KIRREL3: variants seen among roughly 807,000 people sequenced by gnomAD.
KIRREL3 encodes kin of IRRE-like protein 3.
A neutral mutation model predicts 89.7 loss-of-function variants in KIRREL3; 36 were observed. The ratio of observed to expected loss-of-function variants is 0.40; its 90% CI spans 0.31 to 0.53. KIRREL3 has a LOEUF of 0.53. KIRREL3 is among the 20% of genes least tolerant of loss of function. KIRREL3 has a pLI of 0.49. For synonymous variants in KIRREL3, 445 were observed against 441.4 expected (o/e 1.01, Z -0.10); for missense variants, 864 against 1,056.6 (o/e 0.82, Z 2.53).
chr11:126,762,457 C>T (rs929239195), intron 1 of KIRREL3, among the ~76,000 whole-genome samples: 2 of 152,186 alleles, frequency 1.3e-5, no homozygotes, highest in African/African-American at 4.8e-5. Flanking sequence ...AATAAGACTG[C>T]TCAGAAAAGG....
chr11:126,465,422 T>A (rs960597416), intron 5 of KIRREL3, among the ~76,000 whole-genome samples: 1 of 152,030 alleles, frequency 6.6e-6, no homozygotes, highest in African/African-American at 2.4e-5. Flanking sequence ...GCCCCGGGGG[T>A]GCTGGACGGT....
chr11:126,801,876 G>A (rs757632091), intron 1 of KIRREL3, among the ~76,000 whole-genome samples: 4 of 152,074 alleles, frequency 2.6e-5, no homozygotes, highest in Non-Finnish European at 5.9e-5. Context: ...TCAAGGCTGC[G>A]GTGAACTCTA....
At chr11:126,650,631 T>C (rs1032539053) in intron 1 of KIRREL3, among the ~76,000 whole-genome samples, 2 of 152,196 alleles carry the variant, frequency 1.3e-5, no homozygotes, top group African/African-American at 4.8e-5. Flanking sequence ...GCCTGGACCT[T>C]ATTGTCCATA....
chr11:126,506,329 T>A (rs2134382511), intron 4 of KIRREL3, among the ~76,000 whole-genome samples: 1 of 152,300 alleles, frequency 6.6e-6, no homozygotes, highest in Middle Eastern at 3.4e-3. Flanking sequence ...AACTACAAAC[T>A]GAGAGAAAAT....
At position 126,824,417 on chromosome 11, in the gene KIRREL3, G is replaced by A. The variant is rs769689848; in HGVS notation, c.55+176038C>T. 5.3e-5 allele frequency among the ~76,000 whole-genome samples: 8 copies of A among 152,194 alleles called. No homozygotes were observed. The South Asian group carries it at 6.2e-4, about 12-fold the overall frequency. ...TTTACCTAAGATTTGTTATAAGGAC[G>A]CTCAAGTTCAGGGAGGGTAAACAAC... is the stretch of plus-strand genomic sequence containing the variant. On this transcript the variant is annotated intron_variant, in intron 1 of 16. Coordinates refer to ENST00000525144, the MANE Select transcript of KIRREL3 (RefSeq NM_032531.4).
At position 126,778,459 on chromosome 11, in the gene KIRREL3, G is replaced by A. The variant is rs1180961447; in HGVS notation, c.56-215547C>T. 6.6e-6 allele frequency among the ~76,000 whole-genome samples: 1 copy of A among 152,182 alleles called. No homozygotes were observed. The highest frequency in any genetic ancestry group is 1.5e-5 in the Non-Finnish European group (1 of 68,032). On this transcript the variant is annotated intron_variant, in intron 1 of 16. Transcript: ENST00000525144. The surrounding 1 kb of genome is among the most constrained non-coding windows in gnomAD (Gnocchi z 4.5). Reference sequence around the variant, plus strand: ...TTTAATGTCTACAAGCTATGCAACTGTGAGGTTGTGCTATAATGTATTAAG... The same window carrying A: ...TTTAATGTCTACAAGCTATGCAACTATGAGGTTGTGCTATAATGTATTAAG...
rs1409152522 is a variant in KIRREL3, at chr11:126,995,847, G to A, written c.55+4608C>T. 2.0e-5 allele frequency among the ~76,000 whole-genome samples: 3 copies of A among 152,134 alleles called. No homozygotes were observed. Among genetic ancestry groups the A allele is most frequent in the African/African-American group, 7.2e-5 (3 of 41,410 alleles). On this transcript the variant is annotated intron_variant, in intron 1 of 16. Coordinates refer to ENST00000525144, the MANE Select transcript of KIRREL3 (RefSeq NM_032531.4). The surrounding 1 kb of genome is among the most constrained non-coding windows in gnomAD (Gnocchi z 6.5). ...ACTGCATCTTCGGGCCTAATCTCCT[G>A]CTCCACCCCATCTCCTGCTGGCCCT...
rs976914514 is a variant in KIRREL3 at position 126,490,121 on chromosome 11, G to T, written c.434-16655C>A. 6.6e-6 allele frequency among the ~76,000 whole-genome samples: 1 copy of T among 150,626 alleles called. No individual in the cohort carries two copies. Among genetic ancestry groups the T allele is most frequent in the Non-Finnish European group, 1.5e-5 (1 of 67,876 alleles). ...CAGTTAGCTCCCATGATGGGCATTC[G>T]TGTTTGTGGCCAGAGGCATACATAA... On this transcript the variant is annotated intron_variant, in intron 4 of 16. Transcript: ENST00000525144. The surrounding 1 kb of genome is among the most constrained non-coding windows in gnomAD (Gnocchi z 4.2).
chr11:126,926,880 G>T (rs1285273706), intron 1 of KIRREL3, among the ~76,000 whole-genome samples: 2 of 152,124 alleles, frequency 1.3e-5, no homozygotes, highest in African/African-American at 2.4e-5. Context: ...TTGAGAGAGG[G>T]TATAGGAAAA....
rs546663311 is a variant in KIRREL3, at chr11:126,486,234, G to A, written c.434-12768C>T. Among the ~76,000 whole-genome samples, 2 of 152,144 alleles carry A rather than the reference G, an allele frequency of 1.3e-5. No homozygotes were observed. The highest frequency in any genetic ancestry group is 6.5e-5 in the Admixed American group (1 of 15,286). On this transcript the variant is annotated intron_variant, in intron 4 of 16. Transcript: ENST00000525144. The surrounding 1 kb of genome is among the most constrained non-coding windows in gnomAD (Gnocchi z 6.2). ...TGACAGAGGGTGCTACGTGGCCGCCGTCTGCACAGCAAGGGTGAGAGGGCT... is the reference window on the plus strand; with the variant it reads ...TGACAGAGGGTGCTACGTGGCCGCCATCTGCACAGCAAGGGTGAGAGGGCT...
At position 126,456,023 on chromosome 11, in the gene KIRREL3, GT is replaced by G. The variant is rs1299440917; in HGVS notation, c.848+325del. ...CTTGCTGCTTCTCCTGGTTGTTCTG[GT>G]TTTTTTTTGTTTTCGTTTTTTTTTT... On this transcript the variant is annotated intron_variant, in intron 7 of 16. Coordinates refer to ENST00000525144, the MANE Select transcript of KIRREL3 (RefSeq NM_032531.4). Among the ~76,000 whole-genome samples, 3 of 104,608 alleles carry G rather than the reference GT, an allele frequency of 2.9e-5. No individual in the cohort carries two copies. The Admixed American group carries it at 3.0e-4, about 11-fold the overall frequency. 68.6% of individuals were successfully genotyped at this position (104,608 alleles called of 152,430 possible).
At chr11:126,548,366 G>A (rs1938985085) in intron 2 of KIRREL3, among the ~76,000 whole-genome samples, 1 of 152,174 alleles carries the variant, frequency 6.6e-6, no homozygotes, top group Non-Finnish European at 1.5e-5. Flanking sequence ...AGTTGCGGAG[G>A]CCACTGTGCC....
intron 1 of KIRREL3, among the ~76,000 whole-genome samples, chr11:126,923,129 C>CTCCTTCTTCTCTTCTTCT (rs1246765425): frequency 3.5e-4 from 9 of 25,732 alleles, no homozygotes; most frequent in Non-Finnish European, 6.2e-4. Context: ...TCTCCTTCTT[C>CTCCTTCTTCTCTTCTTCT]TCTTCTTCTT....
Position 126,676,312 on chromosome 11 carries a change from G to C in KIRREL3, c.56-113400C>G, listed in dbSNP as rs1946185859. ...CCAGGCCGAGGCAGAGAAGCTTCTG[G>C]AGGGCAGAGACTGAGAAGATGCTTT... On this transcript the variant is annotated intron_variant, in intron 1 of 16. Coordinates refer to ENST00000525144, the MANE Select transcript of KIRREL3 (RefSeq NM_032531.4). The surrounding 1 kb of genome is among the most constrained non-coding windows in gnomAD (Gnocchi z 4.5). 6.6e-6 allele frequency among the ~76,000 whole-genome samples: 1 copy of C among 152,168 alleles called. No individual in the cohort carries two copies. Among genetic ancestry groups the C allele is most frequent in the Non-Finnish European group, 1.5e-5 (1 of 68,034 alleles).
chr11:126,521,520 G>A lies in KIRREL3; in HGVS notation c.284-56C>T. 6.7e-7 allele frequency: 1 copy of A among 1,485,188 alleles called. No homozygotes were observed. Among genetic ancestry groups the A allele is most frequent in the Non-Finnish European group, 9.1e-7 (1 of 1,099,536 alleles). The allele number at this position is 1,485,188 out of a possible 1,614,324, so 92.0% of individuals were successfully genotyped here. ...GGGGTGGGGTGGAGGGGACACCCATGACAAAGAGGCACAGAATGGAGGACC... is the reference window on the plus strand; with the variant it reads ...GGGGTGGGGTGGAGGGGACACCCATAACAAAGAGGCACAGAATGGAGGACC... On this transcript the variant is annotated intron_variant, in intron 3 of 16. Coordinates refer to ENST00000525144, the MANE Select transcript of KIRREL3 (RefSeq NM_032531.4). This position sits in a 1 kb window ranked among gnomAD's most constrained non-coding sequence, Gnocchi z 4.1.
rs1342234872 is a variant in KIRREL3, at chr11:126,844,955, C to G, written c.55+155500G>C. 6.6e-6 allele frequency among the ~76,000 whole-genome samples: 1 copy of G among 152,136 alleles called. No individual in the cohort carries two copies. The highest frequency in any genetic ancestry group is 1.5e-5 in the Non-Finnish European group (1 of 68,026). On this transcript the variant is annotated intron_variant, in intron 1 of 16. Coordinates refer to ENST00000525144, the MANE Select transcript of KIRREL3 (RefSeq NM_032531.4). This position sits in a 1 kb window ranked among gnomAD's most constrained non-coding sequence, Gnocchi z 4.8. ...TACTCTGGCCTCTCTGAGCTCTCTG[C>G]CTTCCCCACCCTGCTGTGCACAATG...
At chr11:126,572,557 C>G (rs936212784) in intron 1 of KIRREL3, among the ~76,000 whole-genome samples, 1 of 110,242 alleles carries the variant, frequency 9.1e-6, no homozygotes, top group Non-Finnish European at 1.8e-5. Context: ...GCAGAGACCC[C>G]AGTGGGAAGA....
Position 126,513,847 on chromosome 11 carries a change from G to A in KIRREL3, c.433+7468C>T, listed in dbSNP as rs377312834. ...TGGCCCCCAACAGCAACTACTCAGC[G>A]TGGCATTATGGCATTGAACCCACAG... On this transcript the variant is annotated intron_variant, in intron 4 of 16. Coordinates refer to ENST00000525144, the MANE Select transcript of KIRREL3 (RefSeq NM_032531.4). This position sits in a 1 kb window ranked among gnomAD's most constrained non-coding sequence, Gnocchi z 5.9. Among the ~76,000 whole-genome samples the A allele has an allele frequency of 5.4e-4, 82 of 152,280 alleles. No homozygotes were observed. The highest frequency in any genetic ancestry group is 1.4e-3 in the African/African-American group (60 of 41,560).
chr11:126,424,932 C>T lies in KIRREL3; in HGVS notation c.1985G>A (p.Arg662His), dbSNP rs773312950. The T allele has an allele frequency of 4.6e-5, 73 of 1,601,576 alleles. No homozygotes were observed. Among genetic ancestry groups the T allele is most frequent in the South Asian group, 2.9e-4 (26 of 90,382 alleles). Reference sequence around the variant, plus strand: ...GGGCACACGCTGCTTGCCCGCAGGACGCAGGTCGGGCTGGCAGCTGGAGAG... The same window carrying T: ...GGGCACACGCTGCTTGCCCGCAGGATGCAGGTCGGGCTGGCAGCTGGAGAG... ...ISLSSCQPDL[R>H]PAGKQRVPTG... Residue 662 changes from arginine to histidine, a missense_variant, in exon 17 of 17, where the codon CGT becomes CAT. Arg to His is a conservative substitution (Grantham distance 29). Coordinates refer to ENST00000525144, the MANE Select transcript of KIRREL3 (RefSeq NM_032531.4).
Sources: allele counts gnomAD v4.1 joint callset (sites outside exome capture counted in the v4.1 genomes callset), GRCh38; gene constraint gnomAD v4.1.1; non-coding constraint Gnocchi (gnomAD v3.1); transcripts MANE v1.5; gene names NCBI Gene and HGNC (gene_info 2026-07-23, HGNC 2026-07-21).